AGMO: variants seen among roughly 807,000 people sequenced by gnomAD.
The protein encoded by AGMO is alkylglycerol monooxygenase.
In AGMO, 75 loss-of-function variants were observed where a neutral mutation model predicts 60.2. That is an observed-to-expected ratio of 1.25 (90% CI 1.03 to 1.51). AGMO has a LOEUF of 1.51. AGMO is among the 40% of genes most tolerant of loss of function. AGMO has a pLI of 0.00. For missense variants in AGMO, 763 were observed against 525.5 expected (o/e 1.45, Z -4.42); for synonymous variants, 261 against 177.1 (o/e 1.47, Z -3.76).
chr7:15,379,702 G>C (rs1783599740), intron 10 of AGMO, among the ~76,000 whole-genome samples: 1 of 151,742 alleles, frequency 6.6e-6, no homozygotes, highest in Admixed American at 6.6e-5. Context: ...CATTTCTACT[G>C]AAACTATTCC....
chr7:15,146,539 C>T, the AGMO span, among the ~76,000 whole-genome samples: 4 of 150,984 alleles, frequency 2.6e-5, no homozygotes, highest in South Asian at 2.1e-4. Flanking sequence ...GGTCAAAGTA[C>T]CAAAGTACTC....
intron 12 of AGMO, among the ~76,000 whole-genome samples, chr7:15,344,362 A>G (rs1002528957): frequency 2.6e-5 from 4 of 152,202 alleles, no homozygotes; most frequent in South Asian, 2.1e-4. Context: ...TTCAATGTAG[A>G]TCTGATCTTC....
chr7:15,355,440 T>TCA (rs1227913278), intron 12 of AGMO, among the ~76,000 whole-genome samples: 90 of 139,352 alleles, frequency 6.5e-4, no homozygotes, highest in Non-Finnish European at 1.3e-4. Context: ...GAGGTGGAGC[T>TCA]TGCAGTGAGC....
intron 3 of AGMO, among the ~76,000 whole-genome samples, chr7:15,504,118 T>C (rs1163641202): frequency 6.6e-6 from 1 of 152,052 alleles, no homozygotes; most frequent in East Asian, 1.9e-4. Flanking sequence ...CTAAAAAGAA[T>C]ACATTTTTGG....
chr7:15,406,513 G>C (rs964783401), intron 5 of AGMO, among the ~76,000 whole-genome samples: 2 of 119,370 alleles, frequency 1.7e-5, no homozygotes, highest in Non-Finnish European at 3.4e-5. Context: ...TAGTGACAAC[G>C]GTGCCAGTTC....
chr7:15,379,092 A>G (rs976219271), intron 10 of AGMO, among the ~76,000 whole-genome samples: 2 of 152,048 alleles, frequency 1.3e-5, no homozygotes, highest in African/African-American at 4.8e-5. Context: ...CACACAACAT[A>G]CCAGAATCTC....
chr7:15,551,304 G>T (rs1455944847), intron 2 of AGMO, among the ~76,000 whole-genome samples: 1 of 151,598 alleles, frequency 6.6e-6, no homozygotes, highest in Non-Finnish European at 1.5e-5. Context: ...CATAGTGTTG[G>T]AAGTTCTGGC....
chr7:15,324,024 TTATGTAATTGTTCTATATACTACCA>T, intron 12 of AGMO, among the ~76,000 whole-genome samples: 1 of 152,320 alleles, frequency 6.6e-6, no homozygotes, highest in East Asian at 1.9e-4. Flanking sequence ...AAGTGCATAT[TTATGTAATTGTTCTATATACTACCA>T]TATGTTGCTG....
chr7:15,224,844 T>C (rs1405020629), intron 12 of AGMO, among the ~76,000 whole-genome samples: 2 of 152,082 alleles, frequency 1.3e-5, no homozygotes, highest in Non-Finnish European at 1.5e-5. Context: ...GGTCTAATTA[T>C]ATTTACAAAT....
At chr7:15,351,145 T>C (rs1253822932) in intron 12 of AGMO, among the ~76,000 whole-genome samples, 1 of 152,146 alleles carries the variant, frequency 6.6e-6, no homozygotes, top group Non-Finnish European at 1.5e-5. Context: ...TTATAGCAGG[T>C]AGTAATCTTC....
intron 12 of AGMO, among the ~76,000 whole-genome samples, chr7:15,324,595 C>A (rs970780239): frequency 4.6e-5 from 7 of 152,088 alleles, no homozygotes; most frequent in African/African-American, 1.7e-4. Flanking sequence ...GAGGTCTGTC[C>A]TCTAATGTAG....
chr7:15,419,337 G>A (rs1336107217), intron 4 of AGMO, among the ~76,000 whole-genome samples: 3 of 151,922 alleles, frequency 2.0e-5, no homozygotes, highest in African/African-American at 7.2e-5. Flanking sequence ...AGCATGATCT[G>A]CTTGTTCTGC....
intron 10 of AGMO, among the ~76,000 whole-genome samples, chr7:15,377,055 T>C (rs1783486320): frequency 6.6e-6 from 1 of 152,082 alleles, no homozygotes; most frequent in Non-Finnish European, 1.5e-5. Flanking sequence ...GGGTCCCCAA[T>C]TACAAGTCAG....
At chr7:15,262,233 A>G (rs574966239) in intron 12 of AGMO, among the ~76,000 whole-genome samples, 3 of 152,026 alleles carry the variant, frequency 2.0e-5, no homozygotes, top group Non-Finnish European at 4.4e-5. Context: ...AGAAAGCCCT[A>G]AAGACTCATC....
In AGMO at chr7:15,314,823, A is replaced by C. The variant is rs893204807; in HGVS notation, c.1263+50691T>G. 4.6e-5 allele frequency among the ~76,000 whole-genome samples: 7 copies of C among 152,176 alleles called. 1 individual carries two copies. The East Asian group carries it at 1.4e-3, about 29-fold the overall frequency. On this transcript the variant is annotated intron_variant, in intron 12 of 12. Transcript: ENST00000342526. Reference sequence around the variant, plus strand: ...TATCTAGGTACACCCAATCTTATCAACTGAGCCATCAAAAACAGTGAACTT... The same window carrying C: ...TATCTAGGTACACCCAATCTTATCACCTGAGCCATCAAAAACAGTGAACTT...
chr7:15,520,899 T>G (rs894687909), intron 3 of AGMO, among the ~76,000 whole-genome samples: 1 of 151,890 alleles, frequency 6.6e-6, no homozygotes, highest in Non-Finnish European at 1.5e-5. Context: ...CAAAAATCAA[T>G]GAATACAAGA....
chr7:15,522,719 A>G (rs956755718), intron 3 of AGMO, among the ~76,000 whole-genome samples: 2 of 152,118 alleles, frequency 1.3e-5, no homozygotes, highest in Non-Finnish European at 2.9e-5. Context: ...AGATTTAAAC[A>G]TAGGTCCTCA....
intron 3 of AGMO, among the ~76,000 whole-genome samples, chr7:15,493,334 A>AACACAC (rs144549105): frequency 0.058 from 4,053 of 70,316 alleles, 294 homozygotes; most frequent in African/African-American, 0.12. Flanking sequence ...AAACACACAA[A>AACACAC]ACACACACAC....
intron 12 of AGMO, among the ~76,000 whole-genome samples, chr7:15,205,421 C>T (rs567305310): frequency 1.3e-5 from 2 of 152,144 alleles, no homozygotes; most frequent in Admixed American, 6.5e-5. Flanking sequence ...TTTTTTTGGT[C>T]TCCCAAACAT....
Sources: gnomAD v4.1 joint callset for allele counts (sites outside exome capture counted in the v4.1 genomes callset) on GRCh38, gnomAD v4.1.1 for gene constraint, MANE v1.5 for transcripts, NCBI Gene and HGNC (gene_info 2026-07-23, HGNC 2026-07-21) for gene names.